APBA1: variants seen among roughly 807,000 people sequenced by gnomAD.
APBA1 encodes amyloid beta precursor protein binding family A member 1, also known as amyloid-beta A4 precursor protein-binding family A member 1.
A neutral mutation model predicts 86.6 loss-of-function variants in APBA1; 55 were observed. The observed-to-expected ratio is 0.64, with a 90% CI of 0.51 to 0.80. APBA1 has a LOEUF of 0.80. Ranked by LOEUF, APBA1 falls within the 30% of genes least tolerant of loss-of-function variation. The pLI is 0.00. For missense variants in APBA1, 1,090 were observed against 1,183.0 expected, an observed-to-expected ratio of 0.92 and a Z score of 1.15; for synonymous variants, 511 against 493.9, an observed-to-expected ratio of 1.03 and a Z score of -0.46.
At chr9:69,601,260 A>T (rs945895720) in intron 1 of APBA1, among the ~76,000 whole-genome samples, 1 of 152,226 alleles carries the variant, frequency 6.6e-6, no homozygotes, top group Admixed American at 6.5e-5. Flanking sequence ...TTCTCTCAAC[A>T]TAGTTGAGAT....
chr9:69,602,387 T>C (rs1055152424), intron 1 of APBA1, among the ~76,000 whole-genome samples: 17 of 151,990 alleles, frequency 1.1e-4, no homozygotes, highest in East Asian at 3.9e-4. Context: ...CTGCCTAACA[T>C]GGTGAAACCC....
At chr9:69,581,089 G>A (rs561434711) in intron 1 of APBA1, among the ~76,000 whole-genome samples, 8 of 152,180 alleles carry the variant, frequency 5.3e-5, no homozygotes, top group South Asian at 4.2e-4. Flanking sequence ...CACAAACGGC[G>A]TCATCTCCAG....
At chr9:69,617,747 A>T (rs968030548) in intron 1 of APBA1, among the ~76,000 whole-genome samples, 5 of 152,172 alleles carry the variant, frequency 3.3e-5, no homozygotes, top group East Asian at 3.9e-4. Flanking sequence ...CTCATTTTTT[A>T]AAAATTGTGG....
intron 8 of APBA1, among the ~76,000 whole-genome samples, chr9:69,453,004 C>T (rs977554458): frequency 2.0e-5 from 3 of 152,236 alleles, no homozygotes; most frequent in Admixed American, 2.0e-4. Flanking sequence ...TCCCACTGCA[C>T]ACTGCGTTCT....
In APBA1 at chr9:69,657,168, G is replaced by A. The variant is rs147608222; in HGVS notation, c.-70+14985C>T. On this transcript the variant is annotated intron_variant, in intron 1 of 12. Coordinates refer to ENST00000265381, the MANE Select transcript of APBA1 (RefSeq NM_001163.4). The stretch of plus-strand genomic sequence containing the variant: ...CCTAACCGGGAGATCTAAGAGACCT[G>A]CCTAAAATTTTATTCCCATGGGGAA... Among the ~76,000 whole-genome samples the A allele has an allele frequency of 5.0e-3, 765 of 152,316 alleles. 12 individuals are homozygous for A. The highest frequency in any genetic ancestry group is 0.017 in the African/African-American group (721 of 41,566).
chr9:69,450,312 A>G (rs1280319995), intron 9 of APBA1, among the ~76,000 whole-genome samples: 1 of 152,206 alleles, frequency 6.6e-6, no homozygotes, highest in Non-Finnish European at 1.5e-5. Context: ...TGCTGAAGTT[A>G]TCACAACCAA....
intron 1 of APBA1, among the ~76,000 whole-genome samples, chr9:69,523,497 G>GTATATATATATATATATA (rs869242999): frequency 3.2e-5 from 1 of 30,884 alleles, no homozygotes; most frequent in Non-Finnish European, 6.7e-5. Flanking sequence ...ATATATATAT[G>GTATATATATATATATATA]TATATATATA....
At chr9:69,609,291 T>C (rs1252484339) in intron 1 of APBA1, among the ~76,000 whole-genome samples, 1 of 152,046 alleles carries the variant, frequency 6.6e-6, no homozygotes, top group Non-Finnish European at 1.5e-5. Context: ...CATGTGCAAA[T>C]GCCTAATAAA....
At chr9:69,503,563 G>A (rs532210868) in intron 2 of APBA1, among the ~76,000 whole-genome samples, 1 of 152,154 alleles carries the variant, frequency 6.6e-6, no homozygotes, top group East Asian at 1.9e-4. Flanking sequence ...CTTCCCTGCT[G>A]AGCTACAACG....
chr9:69,598,585 G>A (rs531141081), intron 1 of APBA1, among the ~76,000 whole-genome samples: 2 of 152,130 alleles, frequency 1.3e-5, no homozygotes, highest in South Asian at 4.1e-4. Context: ...CAGAGGGAAG[G>A]TGGCTCTCCT....
chr9:69,455,843 G>A (rs897606723), intron 8 of APBA1, among the ~76,000 whole-genome samples: 7 of 152,108 alleles, frequency 4.6e-5, no homozygotes, highest in African/African-American at 1.7e-4. Flanking sequence ...AACGCAGCTA[G>A]CCCCTGCCTC....
At chr9:69,449,410 A>G (rs757494030) in intron 10 of APBA1, among the ~76,000 whole-genome samples, 174 bp downstream of exon 10, 26 of 152,242 alleles carry the variant, frequency 1.7e-4, no homozygotes, top group Non-Finnish European at 5.9e-5. Flanking sequence ...AAGAATCTGT[A>G]AACAGTAACT....
chr9:69,603,189 A>G lies in APBA1; in HGVS notation c.-70+68964T>C, dbSNP rs143821976. 1.1e-4 allele frequency among the ~76,000 whole-genome samples: 16 copies of G among 152,358 alleles called. No homozygotes were observed. In the East Asian group the frequency reaches 3.1e-3, roughly 29 times the overall value. On this transcript the variant is annotated intron_variant, in intron 1 of 12. Coordinates refer to ENST00000265381, the MANE Select transcript of APBA1 (RefSeq NM_001163.4). Reference sequence around the variant, plus strand: ...CACAAACCACCATCTGAGCCCAATCACTGGCTGAAGACCTCAGATTTAAAA... The same window carrying G: ...CACAAACCACCATCTGAGCCCAATCGCTGGCTGAAGACCTCAGATTTAAAA...
intron 2 of APBA1, among the ~76,000 whole-genome samples, chr9:69,511,174 C>A (rs1294914283): frequency 3.9e-5 from 6 of 152,168 alleles, no homozygotes; most frequent in Admixed American, 6.5e-5. Context: ...ACCTACTCAT[C>A]TGACAAAGGG....
chr9:69,518,903 G>A (rs946574587), intron 1 of APBA1, among the ~76,000 whole-genome samples: 42 of 152,094 alleles, frequency 2.8e-4, no homozygotes, highest in Admixed American at 2.3e-3. Context: ...GAGCTACCAA[G>A]TCCACATTCA....
intron 1 of APBA1, among the ~76,000 whole-genome samples, chr9:69,527,806 A>T (rs1836367233): frequency 6.6e-6 from 1 of 152,168 alleles, no homozygotes; most frequent in Non-Finnish European, 1.5e-5. Context: ...TTTCGAAGTT[A>T]ATTTTTGGGC....
At chr9:69,530,719 A>G (rs1247002805) in intron 1 of APBA1, among the ~76,000 whole-genome samples, 3 of 152,238 alleles carry the variant, frequency 2.0e-5, no homozygotes, top group Non-Finnish European at 4.4e-5. Context: ...CATCTAAAAT[A>G]TAATTTTTTT....
At chr9:69,481,184 G>T (rs1193474649) in intron 2 of APBA1, among the ~76,000 whole-genome samples, 9 of 151,924 alleles carry the variant, frequency 5.9e-5, no homozygotes, top group African/African-American at 1.9e-4. Flanking sequence ...AAGTCAAATT[G>T]TCCCTGTTTG....
At chr9:69,592,309 T>C (rs1056139538) in intron 1 of APBA1, among the ~76,000 whole-genome samples, 2 of 152,242 alleles carry the variant, frequency 1.3e-5, no homozygotes, top group African/African-American at 4.8e-5. Flanking sequence ...AAGTGCTTTC[T>C]GGACCAGACA....
Sources: allele counts gnomAD v4.1 joint callset (sites outside exome capture counted in the v4.1 genomes callset), GRCh38; gene constraint gnomAD v4.1.1; transcripts MANE v1.5; gene names NCBI Gene and HGNC (gene_info 2026-07-23, HGNC 2026-07-21).